Variants in PXN observed in about 807,000 individuals in gnomAD.
PXN encodes paxillin, also known as testicular tissue protein Li 134.
A neutral mutation model predicts 103.6 loss-of-function variants in PXN; 61 were observed. The ratio of observed to expected loss-of-function variants is 0.59; its 90% confidence interval spans 0.48 to 0.73. The LOEUF (loss-of-function observed/expected upper bound fraction) is 0.73, where lower values mean the gene tolerates loss of function less well. Ranked by LOEUF, PXN falls within the 30% of genes least tolerant of loss-of-function variation. PXN has a pLI of 0.00. For synonymous variants in PXN, 562 were observed against 607.8 expected (o/e 0.92, Z 1.11); for missense variants, 1,274 against 1,460.3 (o/e 0.87, Z 2.08).
At chr12:120,223,079 G>A in intron 3 of PXN, 80 bp from the exon 4 acceptor site, 1 of 1,608,212 alleles carries the variant, frequency 6.2e-7, no homozygotes, top group South Asian at 1.1e-5. Flanking sequence ...GATTCCCAAG[G>A]AGAACAAGGC....
rs563545363 is a variant in PXN at position 120,229,630 on chromosome 12, T to C, written c.14-5253A>G. ...GGATTGGGACTACATGAGAAAAAGA[T>C]ATAAAGTGCTGACTTAGCACAGTGC... On this transcript the variant is annotated intron_variant, in intron 1 of 14. Transcript: ENST00000637617. This position sits in a 1 kb window ranked among gnomAD's most constrained non-coding sequence, Gnocchi z 4.0. 6.6e-6 allele frequency among the ~76,000 whole-genome samples: 1 copy of C among 152,232 alleles called. No homozygotes were observed. Among genetic ancestry groups the C allele is most frequent in the Admixed American group, 6.5e-5 (1 of 15,282 alleles).
chr12:120,265,602 C>T lies in PXN; in HGVS notation c.13+15G>A. ...GCCTCTCGCCTCCTCCTCCCTCGGC[C>T]TCCCGCTCACTCACCGAGGTCGTCC... On this transcript the variant is annotated intron_variant, in intron 1 of 14. Coordinates refer to ENST00000637617, the MANE Select transcript of PXN (RefSeq NM_001385981.1). This position sits in a 1 kb window ranked among gnomAD's most constrained non-coding sequence, Gnocchi z 5.7. 2.0e-6 allele frequency: 3 copies of T among 1,486,330 alleles called. No individual in the cohort carries two copies. The highest frequency in any genetic ancestry group is 2.7e-6 in the Non-Finnish European group (3 of 1,123,854). 92.1% of individuals were successfully genotyped at this position (1,486,330 alleles called of 1,614,324 possible). A position where few individuals can be genotyped will look rare whatever the true frequency, so the allele number is the denominator to read the frequency against.
chr12:120,226,512 G>A lies in PXN; in HGVS notation c.14-2135C>T, dbSNP rs1342621763. The A allele has an allele frequency of 1.0e-5, 13 of 1,251,240 alleles. No homozygotes were observed. The Admixed American group carries it at 3.0e-4, about 29-fold the overall frequency. The allele number at this position is 1,251,240 out of a possible 1,614,324, so 77.5% of individuals were successfully genotyped here. On this transcript the variant is annotated intron_variant, in intron 1 of 14. Coordinates refer to ENST00000637617, the MANE Select transcript of PXN (RefSeq NM_001385981.1). The stretch of plus-strand genomic sequence containing the variant: ...CCAAACACCCAACAGAAGACAAATG[G>A]TCAGGCTTCCTTGTCAAACATTTTG...
At chr12:120,227,104 A>G (rs1034567860) in intron 1 of PXN, 14 of 986,574 alleles carry the variant, frequency 1.4e-5, no homozygotes, top group Non-Finnish European at 1.7e-5. Context: ...TGAGCAAACC[A>G]TGAAAAGGGC....
In PXN at chr12:120,225,346, C is replaced by T. The variant is rs1220611958; in HGVS notation, c.14-969G>A. ...GTTCACAACTTGCTTGCTCTCAGCT[C>T]CCCGGTAACCTGCTGGGTCCAGGGA... On this transcript the variant is annotated intron_variant, in intron 1 of 14. Coordinates refer to ENST00000637617, the MANE Select transcript of PXN (RefSeq NM_001385981.1). The surrounding 1 kb of genome is among the most constrained non-coding windows in gnomAD (Gnocchi z 4.4). The T allele has an allele frequency of 1.3e-5, 2 of 153,048 alleles. No homozygotes were observed. The highest frequency in any genetic ancestry group is 4.8e-5 in the African/African-American group (2 of 41,426). 9.5% of individuals were successfully genotyped at this position (153,048 alleles called of 1,614,324 possible). A position where few individuals can be genotyped will look rare whatever the true frequency, so the allele number is the denominator to read the frequency against.
Position 120,216,069 on chromosome 12 carries a change from A to C in PXN, c.2301+204T>G. 1 of 1,309,964 alleles carries C rather than the reference A, an allele frequency of 7.6e-7. No individual in the cohort carries two copies. Among genetic ancestry groups the C allele is most frequent in the Non-Finnish European group, 9.7e-7 (1 of 1,031,368 alleles). 81.1% of individuals were successfully genotyped at this position (1,309,964 alleles called of 1,614,324 possible). A position where few individuals can be genotyped will look rare whatever the true frequency, so the allele number is the denominator to read the frequency against. Reference sequence around the variant, plus strand: ...AGCAGACATGGGTGGACCCACAGAAAAGCAAGAGGGCAGCGGACCTTCTGA... The same window carrying C: ...AGCAGACATGGGTGGACCCACAGAACAGCAAGAGGGCAGCGGACCTTCTGA... On this transcript the variant is annotated intron_variant, in intron 9 of 14. Transcript: ENST00000637617. This position sits in a 1 kb window ranked among gnomAD's most constrained non-coding sequence, Gnocchi z 5.1.
intron 1 of PXN, among the ~76,000 whole-genome samples, chr12:120,244,684 G>A (rs913870191): frequency 6.7e-6 from 1 of 149,962 alleles, no homozygotes; most frequent in Admixed American, 6.6e-5. Context: ...TTAGCTGGGC[G>A]CAGTGGCAGA....
chr12:120,239,847 C>T (rs996264667), intron 1 of PXN, among the ~76,000 whole-genome samples: 2 of 152,010 alleles, frequency 1.3e-5, no homozygotes, highest in African/African-American at 4.8e-5. Context: ...TTTCTGGCTT[C>T]CCAGGAACAG....
chr12:120,265,686 C>T lies in PXN; in HGVS notation c.-57G>A, dbSNP rs557096976. The stretch of plus-strand genomic sequence containing the variant: ...GCTAGCTGCCCGTCCCGGGGCCGCT[C>T]GTCTATGCCCCGCAACTTTTCCGCC... On this transcript the variant is annotated 5_prime_UTR_variant, in exon 1 of 15. Coordinates refer to ENST00000637617, the MANE Select transcript of PXN (RefSeq NM_001385981.1). This position sits in a 1 kb window ranked among gnomAD's most constrained non-coding sequence, Gnocchi z 5.7. 116 of 1,365,684 alleles carry T rather than the reference C, an allele frequency of 8.5e-5. 1 individual carries two copies. The South Asian group carries it at 1.6e-3, about 19-fold the overall frequency. The allele number at this position is 1,365,684 out of a possible 1,614,324, so 84.6% of individuals were successfully genotyped here.
chr12:120,255,626 G>A (rs901867730), intron 1 of PXN, among the ~76,000 whole-genome samples: 98 of 152,038 alleles, frequency 6.4e-4, no homozygotes, highest in Non-Finnish European at 2.5e-4. Flanking sequence ...CCCGGGAGGC[G>A]GAGGTTGCAG....
Position 120,228,756 on chromosome 12 carries a change from G to GCCCT in PXN, c.14-4380_14-4379insAGGG, listed in dbSNP as rs1887425182. 3.3e-5 allele frequency among the ~76,000 whole-genome samples: 5 copies of GCCCT among 152,324 alleles called. No individual in the cohort carries two copies. The highest frequency in any genetic ancestry group is 2.0e-4 in the Admixed American group (3 of 15,308). ...ATGCAGGGCTCTGGAGAACCAGAGG[G>GCCCT]GTGCACGCCCTCGCTTCCAGGGCCC... On this transcript the variant is annotated intron_variant, in intron 1 of 14. Coordinates refer to ENST00000637617, the MANE Select transcript of PXN (RefSeq NM_001385981.1). The surrounding 1 kb of genome is among the most constrained non-coding windows in gnomAD (Gnocchi z 4.7).
At position 120,222,749 on chromosome 12, in the gene PXN, A is replaced by T. The variant is rs1566385922; in HGVS notation, c.495T>A (p.Asp165Glu). 6.2e-7 allele frequency: 1 copy of T among 1,604,712 alleles called. No individual in the cohort carries two copies. Among genetic ancestry groups the T allele is most frequent in the Non-Finnish European group, 8.5e-7 (1 of 1,175,558 alleles). The change falls in exon 5 of 15, where the codon GAT (aspartate) becomes GAA (glutamate). Residue 165 changes from aspartate (D) to glutamate (E), a missense_variant and splice_region_variant. Transcript: ENST00000637617. The surrounding 1 kb of genome is among the most constrained non-coding windows in gnomAD (Gnocchi z 4.7). The stretch of plus-strand genomic sequence containing the variant: ...GAAGCGGGGGGCTTGAGTTGGCCTC[A>T]TCTTGCAGAGAGGAGAGAAAAAGGC... Reference protein sequence around the residue: ...VQHNPPGFPADEANSSPPLPG... With the variant: ...VQHNPPGFPAEEANSSPPLPG...
chr12:120,242,439 C>A (rs1258229163), intron 1 of PXN, among the ~76,000 whole-genome samples: 3 of 152,050 alleles, frequency 2.0e-5, no homozygotes, highest in African/African-American at 7.2e-5. Flanking sequence ...ATCAGAGGAA[C>A]CAGATCCTTC....
Position 120,212,139 on chromosome 12 carries a change from G to T in PXN, c.*175C>A. The T allele has an allele frequency of 1.1e-6, 1 of 951,634 alleles. No individual in the cohort carries two copies. 58.9% of individuals were successfully genotyped at this position (951,634 alleles called of 1,614,324 possible). On this transcript the variant is annotated 3_prime_UTR_variant, in exon 15 of 15. Coordinates refer to ENST00000637617, the MANE Select transcript of PXN (RefSeq NM_001385981.1). The surrounding 1 kb of genome is among the most constrained non-coding windows in gnomAD (Gnocchi z 7.2). Reference sequence around the variant, plus strand: ...GGAGGGGGCCCAGAGGCTCTGGCAGGGGTGAAGACAAGCAGGGGGACCCCT... The same window carrying T: ...GGAGGGGGCCCAGAGGCTCTGGCAGTGGTGAAGACAAGCAGGGGGACCCCT...
At position 120,228,634 on chromosome 12, in the gene PXN, A is replaced by G. The variant is rs1441445238; in HGVS notation, c.14-4257T>C. 6.6e-6 allele frequency among the ~76,000 whole-genome samples: 1 copy of G among 152,206 alleles called. No homozygotes were observed. The highest frequency in any genetic ancestry group is 1.5e-5 in the Non-Finnish European group (1 of 68,036). On this transcript the variant is annotated intron_variant, in intron 1 of 14. Transcript: ENST00000637617. The surrounding 1 kb of genome is among the most constrained non-coding windows in gnomAD (Gnocchi z 4.7). Reference sequence around the variant, plus strand: ...CCATGGGCGCAGTGGGGAAGTTTCTATCCTTAGAGAACAAGGCTGAGCTGG... The same window carrying G: ...CCATGGGCGCAGTGGGGAAGTTTCTGTCCTTAGAGAACAAGGCTGAGCTGG...
chr12:120,262,804 T>G (rs2136739773), intron 1 of PXN, among the ~76,000 whole-genome samples: 1 of 152,214 alleles, frequency 6.6e-6, no homozygotes, highest in Non-Finnish European at 1.5e-5. Context: ...CAGAGCGAAC[T>G]CTGGGCCAAA....
intron 1 of PXN, among the ~76,000 whole-genome samples, chr12:120,253,848 T>G (rs1892585978): frequency 6.6e-6 from 1 of 152,194 alleles, no homozygotes; most frequent in Non-Finnish European, 1.5e-5. Flanking sequence ...ATGATCTCAC[T>G]TATATGTACT....
chr12:120,232,185 C>A (rs568869621), intron 1 of PXN, among the ~76,000 whole-genome samples: 1 of 152,174 alleles, frequency 6.6e-6, no homozygotes, highest in Non-Finnish European at 1.5e-5. Flanking sequence ...CCACACTAGG[C>A]TTTTAAAAAC....
At chr12:120,235,539 G>A (rs1326137387) in intron 1 of PXN, among the ~76,000 whole-genome samples, 1 of 152,038 alleles carries the variant, frequency 6.6e-6, no homozygotes, top group Non-Finnish European at 1.5e-5. Flanking sequence ...GCAGCTGTCC[G>A]TCCTCTGCTC....
Sources: gnomAD v4.1 joint callset for allele counts (sites outside exome capture counted in the v4.1 genomes callset) on GRCh38, gnomAD v4.1.1 for gene constraint, Gnocchi (gnomAD v3.1) non-coding constraint, MANE v1.5 for transcripts, NCBI Gene and HGNC (gene_info 2026-07-23, HGNC 2026-07-21) for gene names.